CHD9: variants seen among roughly 807,000 people sequenced by gnomAD.
The protein encoded by CHD9 is chromodomain helicase DNA binding protein 9.
A neutral mutation model predicts 316.1 loss-of-function variants in CHD9; 77 were observed. The observed-to-expected ratio is 0.24, with a 90% confidence interval of 0.20 to 0.29. CHD9 has a LOEUF of 0.29. CHD9 is among the 10% of genes least tolerant of loss of function. The pLI, the probability that CHD9 is intolerant of heterozygous loss-of-function variation, is 1.00. For missense variants in CHD9, 2,763 were observed against 3,438.1 expected (o/e 0.80, Z 4.91); for synonymous variants, 1,129 against 1,158.3 (o/e 0.97, Z 0.51).
intron 2 of CHD9, among the ~76,000 whole-genome samples, chr16:53,178,139 A>C (rs983161737): frequency 6.6e-6 from 1 of 152,156 alleles, no homozygotes; most frequent in Non-Finnish European, 1.5e-5. Flanking sequence ...ATAAGATGGG[A>C]AGGGTGATAT....
chr16:53,243,328 T>C (rs147276826), intron 13 of CHD9, among the ~76,000 whole-genome samples: 1 of 152,304 alleles, frequency 6.6e-6, no homozygotes, highest in East Asian at 1.9e-4. Flanking sequence ...TGTTTGTTTG[T>C]TTAAGATGGA....
At chr16:53,083,711 T>A (rs1412847299) in intron 1 of CHD9, among the ~76,000 whole-genome samples, 1 of 152,050 alleles carries the variant, frequency 6.6e-6, no homozygotes, top group Non-Finnish European at 1.5e-5. Context: ...TGAAACTTTT[T>A]TTTGAAAATA....
rs1419382794 is a variant in CHD9 at position 53,324,353 on chromosome 16, A to G, written c.8152A>G (p.Met2718Val). The G allele has an allele frequency of 3.1e-6, 5 of 1,614,010 alleles. No individual in the cohort carries two copies. The highest frequency in any genetic ancestry group is 1.1e-5 in the South Asian group (1 of 91,082). The change falls in exon 39 of 39, where the codon ATG becomes GTG. Residue 2718 changes from methionine (M) to valine (V), a missense_variant. Around this residue, in one of 15 missense-constraint regions of CHD9, gnomAD observed 298 missense variants for 380.2 expected, o/e 0.78. Coordinates refer to ENST00000447540, the MANE Select transcript of CHD9 (RefSeq NM_001308319.2). ...AAMFPMLLSG[M>V]AGLPNLLGMG... ...TATGTTCCCCATGCTGCTGTCAGGA[A>G]TGGCTGGATTACCAAATCTGTTGGG...
At chr16:53,290,608 G>A (rs141504558) in intron 27 of CHD9, among the ~76,000 whole-genome samples, 5 of 152,106 alleles carry the variant, frequency 3.3e-5, no homozygotes, top group Non-Finnish European at 7.4e-5. Flanking sequence ...GGGCAACACA[G>A]TGAGACTGCA....
rs774260651 is a variant in CHD9, at chr16:53,307,822, A to G, written c.6922A>G (p.Thr2308Ala). Residue 2308 changes from threonine to alanine, a missense_variant, in exon 33 of 39, where the codon ACA (threonine) becomes GCA (alanine). This residue lies in a region of CHD9 where 663 missense variants were observed against 751.2 expected (regional missense o/e 0.88). Coordinates refer to ENST00000447540, the MANE Select transcript of CHD9 (RefSeq NM_001308319.2). ...TKLLDSPGAA[T>A]EYSDPSVPTP... Reference sequence around the variant, plus strand: ...ACTGCTGGACAGCCCTGGAGCAGCTACAGAATACAGCGATCCCAGTGTACC... The same window carrying G: ...ACTGCTGGACAGCCCTGGAGCAGCTGCAGAATACAGCGATCCCAGTGTACC... 52 of 1,613,688 alleles carry G rather than the reference A, an allele frequency of 3.2e-5. No homozygotes were observed. Among genetic ancestry groups the G allele is most frequent in the Admixed American group, 5.0e-5 (3 of 59,956 alleles).
chr16:53,114,148 A>G (rs16952021), intron 1 of CHD9, among the ~76,000 whole-genome samples: 9,195 of 152,154 alleles, frequency 0.06, 792 homozygotes, highest in African/African-American at 0.18. Context: ...TTGCCATAAC[A>G]AAAACATATG....
At position 53,288,572 on chromosome 16, in the gene CHD9, C is replaced by T. The variant is rs140898596; in HGVS notation, c.5247+558C>T. ...GAGAGTGTGGTAAAAGGCTAAATGACGCTAAAGCTGTCAGGTAGGATTTGC... is the reference window on the plus strand; with the variant it reads ...GAGAGTGTGGTAAAAGGCTAAATGATGCTAAAGCTGTCAGGTAGGATTTGC... On this transcript the variant is annotated intron_variant, in intron 27 of 38. Coordinates refer to ENST00000447540, the MANE Select transcript of CHD9 (RefSeq NM_001308319.2). Among the ~76,000 whole-genome samples, 5 of 152,226 alleles carry T rather than the reference C, an allele frequency of 3.3e-5. 1 individual carries two copies. Among genetic ancestry groups the T allele is most frequent in the East Asian group, 1.9e-4 (1 of 5,186 alleles).
intron 2 of CHD9, among the ~76,000 whole-genome samples, chr16:53,177,031 A>G (rs764921684): frequency 1.2e-4 from 19 of 152,230 alleles, no homozygotes; most frequent in East Asian, 5.8e-4. Context: ...TCTCGGCTCA[A>G]TGCAGCCTCC....
chr16:53,251,868 C>A lies in CHD9; in HGVS notation c.3861+1802C>A, dbSNP rs77790224. ...TTACCTTGGGTGGTTTTTTTTCCCC[C>A]AAAAAATGACCCAGCTTAGAAAGAA... is the stretch of plus-strand genomic sequence containing the variant. On this transcript the variant is annotated intron_variant, in intron 17 of 38. Coordinates refer to ENST00000447540, the MANE Select transcript of CHD9 (RefSeq NM_001308319.2). Among the ~76,000 whole-genome samples, 229 of 151,426 alleles carry A rather than the reference C, an allele frequency of 1.5e-3. 2 individuals are homozygous for A. The highest frequency in any genetic ancestry group is 3.9e-3 in the African/African-American group (162 of 41,348).
intron 29 of CHD9, 72 bp downstream of exon 29, chr16:53,293,124 CA>C: frequency 1.5e-6 from 2 of 1,329,238 alleles, no homozygotes; most frequent in Non-Finnish European, 2.1e-6. Flanking sequence ...TGTCTGGGTA[CA>C]ATTATCACGC....
intron 31 of CHD9, among the ~76,000 whole-genome samples, chr16:53,304,963 A>G (rs1597928410): frequency 6.7e-6 from 1 of 149,316 alleles, no homozygotes; most frequent in Admixed American, 6.7e-5. Context: ...CAAAGTGCTG[A>G]GATTACAGGC....
rs749918892 is a variant in CHD9 at position 53,267,262 on chromosome 16, T to G, written c.4321-32T>G. 1.0e-5 allele frequency: 15 copies of G among 1,448,530 alleles called. No individual in the cohort carries two copies. The South Asian group carries it at 2.1e-4, about 21-fold the overall frequency. The allele number at this position is 1,448,530 out of a possible 1,614,324, so 89.7% of individuals were successfully genotyped here. A position where few individuals can be genotyped will look rare whatever the true frequency, so the allele number is the denominator to read the frequency against. ...ACTGTTGTAAGCAAAATCATAAAAG[T>G]ACCTTCAGGTAATAGCAGTTCTGTT... On this transcript the variant is annotated intron_variant, in intron 20 of 38. Coordinates refer to ENST00000447540, the MANE Select transcript of CHD9 (RefSeq NM_001308319.2).
intron 37 of CHD9, 97 bp downstream of exon 37, chr16:53,318,437 C>A: frequency 2.2e-6 from 2 of 909,492 alleles, no homozygotes; most frequent in Non-Finnish European, 1.6e-6. Flanking sequence ...TTCTAACAGA[C>A]CTGGAAATGA....
intron 2 of CHD9, among the ~76,000 whole-genome samples, chr16:53,162,086 G>A (rs2041953150): frequency 6.6e-6 from 1 of 152,138 alleles, no homozygotes; most frequent in Non-Finnish European, 1.5e-5. Flanking sequence ...CTATAGTGGG[G>A]TGATTGTAGA....
chr16:53,109,833 C>A (rs1210426967), intron 1 of CHD9, among the ~76,000 whole-genome samples: 4 of 151,410 alleles, frequency 2.6e-5, no homozygotes, highest in African/African-American at 9.7e-5. Context: ...TACAGGCGCC[C>A]GCCACCACGC....
At chr16:53,307,221 T>C (rs2056067399) in intron 32 of CHD9, among the ~76,000 whole-genome samples, 2 of 152,366 alleles carry the variant, frequency 1.3e-5, no homozygotes, top group Middle Eastern at 3.4e-3. Flanking sequence ...TGTATTACTT[T>C]TTAATTATAA....
intron 2 of CHD9, among the ~76,000 whole-genome samples, chr16:53,205,015 T>G (rs780662171): frequency 6.6e-6 from 1 of 152,026 alleles, no homozygotes; most frequent in Non-Finnish European, 1.5e-5. Flanking sequence ...CTAGTTTTTG[T>G]ATTTTTAGTA....
chr16:53,083,264 G>C (rs1331909484), intron 1 of CHD9, among the ~76,000 whole-genome samples: 2 of 152,192 alleles, frequency 1.3e-5, no homozygotes, highest in Non-Finnish European at 2.9e-5. Context: ...CACACCCCCA[G>C]ACATTCCTGG....
intron 34 of CHD9, among the ~76,000 whole-genome samples, chr16:53,313,873 A>T (rs1385799317): frequency 2.0e-5 from 3 of 151,824 alleles, no homozygotes; most frequent in Non-Finnish European, 4.4e-5. Context: ...GAATAGCATG[A>T]ACCCAGGGGG....
Sources: allele counts gnomAD v4.1 joint callset (sites outside exome capture counted in the v4.1 genomes callset), GRCh38; gene constraint gnomAD v4.1.1; regional missense constraint gnomAD v4.1.1; transcripts MANE v1.5; gene names NCBI Gene and HGNC (gene_info 2026-07-23, HGNC 2026-07-21).